ASS1: variants seen among roughly 807,000 people sequenced by gnomAD.
ASS1 encodes argininosuccinate synthase.
In ASS1, 58 loss-of-function variants were observed where a neutral mutation model predicts 60.5. The observed-to-expected ratio is 0.96, with a 90% CI of 0.78 to 1.19. The LOEUF (loss-of-function observed/expected upper bound fraction) is 1.19, where lower values mean the gene tolerates loss of function less well. Among genes scored for constraint, ASS1 ranks in the 50% most tolerant of loss-of-function variants. The pLI, the probability that ASS1 is intolerant of heterozygous loss-of-function variation, is 0.00. For synonymous variants in ASS1, 200 were observed against 206.9 expected (o/e 0.97, Z 0.29); for missense variants, 454 against 547.3 (o/e 0.83, Z 1.70).
At chr9:130,467,652 G>A (rs1028892217) in intron 6 of ASS1, among the ~76,000 whole-genome samples, 5 of 152,160 alleles carry the variant, frequency 3.3e-5, no homozygotes, top group Non-Finnish European at 5.9e-5. Flanking sequence ...TTATTAAGAG[G>A]GGAGTTTACA....
intron 11 of ASS1, among the ~76,000 whole-genome samples, chr9:130,483,759 C>CCTTTCCTCCTCCCTCTCTCA: frequency 1.2e-5 from 1 of 82,564 alleles, no homozygotes; most frequent in African/African-American, 4.7e-5. Context: ...TCCTTGCCTT[C>CCTTTCCTCCTCCCTCTCTCA]CTTTCCTCCT....
At chr9:130,479,926 C>A in intron 10 of ASS1, 126 bp downstream of exon 10, 1 of 1,109,782 alleles carries the variant, frequency 9.0e-7, no homozygotes, top group Non-Finnish European at 1.4e-6. Flanking sequence ...ATGTCCCTTC[C>A]CCATAGCCAC....
intron 6 of ASS1, among the ~76,000 whole-genome samples, chr9:130,467,814 C>T (rs1319765166): frequency 6.6e-6 from 1 of 151,934 alleles, no homozygotes; most frequent in Non-Finnish European, 1.5e-5. Flanking sequence ...CCCCACCCAG[C>T]TCTACCCTCA....
chr9:130,497,740 G>A (rs1327333410), intron 13 of ASS1, among the ~76,000 whole-genome samples: 1 of 152,174 alleles, frequency 6.6e-6, no homozygotes, highest in Admixed American at 6.5e-5. Flanking sequence ...GAGGTGAAGG[G>A]ACAGATGGAC....
At position 130,470,541 on chromosome 9, in the gene ASS1, C is replaced by T. The variant is rs1845842740; in HGVS notation, c.496-293C>T. ...TGCCGGGAGACCTGGCTGGGCATGG[C>T]ACCTGCGTGCTTGCTCAGTGCTTCA... On this transcript the variant is annotated intron_variant, in intron 6 of 14. Coordinates refer to ENST00000352480, the MANE Select transcript of ASS1 (RefSeq NM_054012.4). This position sits in a 1 kb window ranked among gnomAD's most constrained non-coding sequence, Gnocchi z 4.3. 6.6e-6 allele frequency among the ~76,000 whole-genome samples: 1 copy of T among 152,230 alleles called. No individual in the cohort carries two copies. Among genetic ancestry groups the T allele is most frequent in the Admixed American group, 6.5e-5 (1 of 15,288 alleles).
intron 4 of ASS1, among the ~76,000 whole-genome samples, chr9:130,462,470 C>A (rs1415237802): frequency 6.6e-6 from 1 of 152,160 alleles, no homozygotes; most frequent in Non-Finnish European, 1.5e-5. Context: ...GAGACGAGGG[C>A]AGAGTTTGAA....
At chr9:130,471,571 C>G in intron 8 of ASS1, 56 bp downstream of exon 8, 1 of 1,558,464 alleles carries the variant, frequency 6.4e-7, no homozygotes, top group East Asian at 2.2e-5. Context: ...GTAGCAGCTC[C>G]ATGCCGATGC....
intron 11 of ASS1, among the ~76,000 whole-genome samples, chr9:130,486,756 G>A (rs919995843): frequency 6.6e-6 from 1 of 152,130 alleles, no homozygotes; most frequent in Non-Finnish European, 1.5e-5. Flanking sequence ...TGCTCTGAGG[G>A]GCTTTCACAA....
intron 4 of ASS1, 37 bp from the exon 5 acceptor site, chr9:130,464,074 C>T (rs749281449): frequency 2.9e-5 from 47 of 1,612,204 alleles, no homozygotes; most frequent in Middle Eastern, 1.6e-4. Context: ...GAACCCCCAT[C>T]CTGTGGCTCC....
chr9:130,479,868 TTGCA>T, intron 10 of ASS1, 68 bp downstream of exon 10: 1 of 1,494,022 alleles, frequency 6.7e-7, no homozygotes. Context: ...GCCTGGACCG[TTGCA>T]GCTAATGGTT....
chr9:130,455,717 T>C (rs1018920284), intron 3 of ASS1, among the ~76,000 whole-genome samples: 3 of 152,238 alleles, frequency 2.0e-5, no homozygotes, highest in Non-Finnish European at 2.9e-5. Flanking sequence ...TTGCCACTTG[T>C]GCCCCTTCAT....
intron 10 of ASS1, 56 bp downstream of exon 10, chr9:130,479,856 G>T (rs372860012): frequency 2.3e-5 from 36 of 1,542,926 alleles, no homozygotes; most frequent in Non-Finnish European, 2.1e-5. Context: ...GGGCGAGCAC[G>T]AGCCTGGACC....
In ASS1 at chr9:130,458,439, G is replaced by A. The variant is rs373501531; in HGVS notation, c.213G>A (p.Glu71=). The change falls in exon 4 of 15, where the codon GAG becomes GAA. Residue 71 remains glutamate (E), a synonymous_variant. Coordinates refer to ENST00000352480, the MANE Select transcript of ASS1 (RefSeq NM_054012.4). ...ATGTCAGCAGGGAGTTTGTGGAGGA[G>A]TTCATCTGGCCGGCCATCCAGTCCA... is the stretch of plus-strand genomic sequence containing the variant. ...IEDVSREFVE[E]FIWPAIQSSA... The A allele has an allele frequency of 6.2e-7, 1 of 1,612,082 alleles. No individual in the cohort carries two copies. Among genetic ancestry groups the A allele is most frequent in the Non-Finnish European group, 8.5e-7 (1 of 1,179,874 alleles).
At chr9:130,467,841 T>G (rs1053736990) in intron 6 of ASS1, among the ~76,000 whole-genome samples, 3 of 152,136 alleles carry the variant, frequency 2.0e-5, no homozygotes, top group African/African-American at 7.2e-5. Flanking sequence ...GAGTCCTGGA[T>G]AGAGAGGGGC....
intron 14 of ASS1, among the ~76,000 whole-genome samples, chr9:130,500,182 C>A (rs1846715866): frequency 6.6e-6 from 1 of 152,196 alleles, no homozygotes; most frequent in African/African-American, 2.4e-5. Flanking sequence ...GCAGTGCCAG[C>A]AGCAAGCACA....
chr9:130,465,985 G>A (rs1269456202), intron 5 of ASS1, among the ~76,000 whole-genome samples: 2 of 152,232 alleles, frequency 1.3e-5, no homozygotes, highest in African/African-American at 4.8e-5. Context: ...TGCTCCAGGA[G>A]CTGGGAGTAG....
chr9:130,463,584 G>T (rs937583914), intron 4 of ASS1, among the ~76,000 whole-genome samples: 2 of 152,144 alleles, frequency 1.3e-5, no homozygotes, highest in Non-Finnish European at 2.9e-5. Flanking sequence ...GGAGCAAAAG[G>T]CCCTCAGTGG....
chr9:130,480,181 G>A (rs1846132999), intron 10 of ASS1, among the ~76,000 whole-genome samples: 1 of 152,226 alleles, frequency 6.6e-6, no homozygotes, highest in Admixed American at 6.5e-5. Context: ...GGCAATCCCT[G>A]CTCTCTCTGG....
chr9:130,452,391 C>A, intron 2 of ASS1, 58 bp downstream of exon 2: 1 of 1,463,398 alleles, frequency 6.8e-7, no homozygotes, highest in Non-Finnish European at 9.6e-7. Flanking sequence ...GTCCTGTCTG[C>A]CCCCTGCCAG....
Sources: gnomAD v4.1 joint callset for allele counts (sites outside exome capture counted in the v4.1 genomes callset) on GRCh38, gnomAD v4.1.1 for gene constraint, Gnocchi (gnomAD v3.1) non-coding constraint, MANE v1.5 for transcripts, NCBI Gene and HGNC (gene_info 2026-07-23, HGNC 2026-07-21) for gene names.